ST18: variants seen among roughly 807,000 people sequenced by gnomAD.
ST18 encodes ST18 C2H2C-type zinc finger transcription factor.
ST18 carries 50 observed loss-of-function variants against 110.0 expected under a neutral mutation model. The ratio of observed to expected loss-of-function variants is 0.45; its 90% CI spans 0.36 to 0.58. The LOEUF is 0.58. Ranked by LOEUF, ST18 falls within the 20% of genes least tolerant of loss-of-function variation. ST18 has a pLI of 0.00. For synonymous variants in ST18, 461 were observed against 452.4 expected (o/e 1.02, Z -0.24); for missense variants, 1,306 against 1,280.1 (o/e 1.02, Z -0.31).
chr8:52,222,803 A>C (rs539231576), intron 3 of ST18, among the ~76,000 whole-genome samples: 1 of 152,318 alleles, frequency 6.6e-6, no homozygotes, highest in East Asian at 1.9e-4. Context: ...TAAATATGTT[A>C]TGAGGGCTAA....
intron 2 of ST18, among the ~76,000 whole-genome samples, chr8:52,338,399 A>G (rs1333136827): frequency 6.6e-6 from 1 of 152,082 alleles, no homozygotes; most frequent in African/African-American, 2.4e-5. Flanking sequence ...GATTCCTAAT[A>G]CAAAATTAAA....
chr8:52,167,049 A>C, intron 10 of ST18, 63 bp from the exon 11 acceptor site: 1 of 1,550,972 alleles, frequency 6.4e-7, no homozygotes, highest in Non-Finnish European at 8.8e-7. Context: ...CATTCAATAG[A>C]ATGGCCTTGC....
In ST18 at chr8:52,232,730, A is replaced by G. The variant is rs557823555; in HGVS notation, c.-464-2653T>C. On this transcript the variant is annotated intron_variant, in intron 2 of 25. Coordinates refer to ENST00000689386, the MANE Select transcript of ST18 (RefSeq NM_001352837.2). Reference sequence around the variant, plus strand: ...AAGGGTATTTTGCAATACTGTTCACAGGAATACATATTTTAGGAAGAAGGA... The same window carrying G: ...AAGGGTATTTTGCAATACTGTTCACGGGAATACATATTTTAGGAAGAAGGA... 2.0e-5 allele frequency among the ~76,000 whole-genome samples: 3 copies of G among 152,212 alleles called. No homozygotes were observed. The East Asian group carries it at 5.8e-4, about 29-fold the overall frequency.
At chr8:52,153,745 A>G (rs2059359550) in intron 15 of ST18, among the ~76,000 whole-genome samples, 2 of 152,216 alleles carry the variant, frequency 1.3e-5, no homozygotes, top group Non-Finnish European at 2.9e-5. Flanking sequence ...GAGAAGTTAG[A>G]CAGGCATGAG....
chr8:52,276,161 A>ACCACACATACCACACAGG (rs1554804686), intron 2 of ST18, among the ~76,000 whole-genome samples: 402 of 51,036 alleles, frequency 7.9e-3, no homozygotes, highest in African/African-American at 7.9e-3. Flanking sequence ...CACGCACCAC[A>ACCACACATACCACACAGG]CATACCATAT....
At chr8:52,256,994 G>A (rs1001484813) in intron 2 of ST18, among the ~76,000 whole-genome samples, 2 of 152,008 alleles carry the variant, frequency 1.3e-5, no homozygotes, top group African/African-American at 4.8e-5. Flanking sequence ...GGCAACCACT[G>A]ATCTATTTCC....
At chr8:52,144,470 T>C (rs917917080) in intron 16 of ST18, among the ~76,000 whole-genome samples, 1 of 152,106 alleles carries the variant, frequency 6.6e-6, no homozygotes, top group Non-Finnish European at 1.5e-5. Flanking sequence ...AATGCCGATC[T>C]CAGTCATCAA....
intron 8 of ST18, among the ~76,000 whole-genome samples, chr8:52,185,242 A>G (rs2071572903): frequency 6.6e-6 from 1 of 152,218 alleles, no homozygotes; most frequent in African/African-American, 2.4e-5. Flanking sequence ...ACAAACCTAT[A>G]CACAGTAAAG....
At chr8:52,396,427 T>C (rs1841165134) in intron 2 of ST18, among the ~76,000 whole-genome samples, 1 of 152,224 alleles carries the variant, frequency 6.6e-6, no homozygotes, top group Non-Finnish European at 1.5e-5. Flanking sequence ...TTTATCCATG[T>C]GGTGGCAAAT....
chr8:52,182,515 C>T (rs78882080), intron 8 of ST18, among the ~76,000 whole-genome samples: 3 of 152,216 alleles, frequency 2.0e-5, no homozygotes, highest in East Asian at 3.9e-4. Flanking sequence ...AGCTTGAGGA[C>T]GTTATTCTCA....
rs562177470 is a variant in ST18, at chr8:52,228,247, T to C, written c.-419+1785A>G. ...CATTTACATGAAAAGTTATGGCTTA[T>C]GATTTAAATGGGTCCTTTTGCAGGA... On this transcript the variant is annotated intron_variant, in intron 3 of 25. Transcript: ENST00000689386. Among the ~76,000 whole-genome samples the C allele has an allele frequency of 1.3e-3, 196 of 152,320 alleles. 1 individual carries two copies. The highest frequency in any genetic ancestry group is 4.4e-3 in the African/African-American group (181 of 41,580).
At chr8:52,270,926 A>G (rs2095053480) in intron 2 of ST18, among the ~76,000 whole-genome samples, 1 of 147,698 alleles carries the variant, frequency 6.8e-6, no homozygotes, top group African/African-American at 2.6e-5. Context: ...TTTTTTTGAG[A>G]TGGAGTCTCG....
chr8:52,119,101 T>C (rs561986663), intron 23 of ST18, among the ~76,000 whole-genome samples: 1 of 152,280 alleles, frequency 6.6e-6, no homozygotes, highest in African/African-American at 2.4e-5. Flanking sequence ...GCTTGGGAGT[T>C]TGACTCCTGT....
intron 6 of ST18, among the ~76,000 whole-genome samples, chr8:52,216,372 T>C (rs950213966): frequency 9.9e-5 from 15 of 152,142 alleles, no homozygotes; most frequent in Non-Finnish European, 1.0e-4. Flanking sequence ...GTTTGAGCTA[T>C]TGTCTCTTGT....
chr8:52,392,135 G>T (rs762507781), intron 2 of ST18, among the ~76,000 whole-genome samples: 4 of 152,188 alleles, frequency 2.6e-5, no homozygotes, highest in Non-Finnish European at 5.9e-5. Flanking sequence ...TCTGTGTATG[G>T]AGTTGAGGGT....
chr8:52,144,761 C>T (rs1320751310), intron 16 of ST18, among the ~76,000 whole-genome samples: 1 of 152,052 alleles, frequency 6.6e-6, no homozygotes, highest in African/African-American at 2.4e-5. Context: ...CACTAGGATG[C>T]AAAGAGAAGT....
At chr8:52,214,411 C>T in intron 6 of ST18, 154 bp from the exon 7 acceptor site, 2 of 637,666 alleles carry the variant, frequency 3.1e-6, no homozygotes, top group Non-Finnish European at 5.4e-6. Flanking sequence ...ACTGTGACTC[C>T]CCCCACATAC....
rs142308476 is a variant in ST18 at position 52,208,427 on chromosome 8, A to T, written c.86+3652T>A. Among the ~76,000 whole-genome samples, 86 of 152,350 alleles carry T rather than the reference A, an allele frequency of 5.6e-4. 2 individuals are homozygous for T. In the East Asian group the frequency reaches 0.012, roughly 22 times the overall value. ...AATTGCAAGAAATGGACAAAAATTT[A>T]AAAGATGCTAAAAATATAAGCTTCC... On this transcript the variant is annotated intron_variant, in intron 8 of 25. Coordinates refer to ENST00000689386, the MANE Select transcript of ST18 (RefSeq NM_001352837.2).
chr8:52,369,807 G>A (rs1829583629), intron 2 of ST18, among the ~76,000 whole-genome samples: 1 of 152,174 alleles, frequency 6.6e-6, no homozygotes, highest in Admixed American at 6.5e-5. Context: ...TATCAAAGGT[G>A]AGATAATAAT....
Sources: gnomAD v4.1 joint callset for allele counts (sites outside exome capture counted in the v4.1 genomes callset) on GRCh38, gnomAD v4.1.1 for gene constraint, MANE v1.5 for transcripts, NCBI Gene and HGNC (gene_info 2026-07-23, HGNC 2026-07-21) for gene names.